Variants in DENND2C observed in about 807,000 individuals in gnomAD.
The protein encoded by DENND2C is DENN domain-containing protein 2C.
A neutral mutation model predicts 112.4 loss-of-function variants in DENND2C; 72 were observed. That is an observed-to-expected ratio of 0.64 (90% CI 0.53 to 0.78). DENND2C has a LOEUF of 0.78. DENND2C is among the 30% of genes least tolerant of loss of function. DENND2C has a pLI of 0.00. For synonymous variants in DENND2C, 329 were observed against 381.6 expected, an observed-to-expected ratio of 0.86 and a Z score of 1.61; for missense variants, 992 against 1,113.8, an observed-to-expected ratio of 0.89 and a Z score of 1.56.
intron 4 of DENND2C, 109 bp downstream of exon 4, chr1:114,625,070 G>C (rs532729670): frequency 9.2e-7 from 1 of 1,084,528 alleles, no homozygotes; most frequent in Admixed American, 2.9e-5. Flanking sequence ...TTCAAAGCAG[G>C]GGCATCACCT....
intron 1 of DENND2C, among the ~76,000 whole-genome samples, chr1:114,662,752 T>C (rs1045733708): frequency 2.0e-5 from 3 of 151,944 alleles, no homozygotes; most frequent in Non-Finnish European, 4.4e-5. Flanking sequence ...GGTCGGGAGT[T>C]CAAGCCCAAC....
chr1:114,621,650 C>T (rs1656169723), intron 7 of DENND2C, among the ~76,000 whole-genome samples: 1 of 152,150 alleles, frequency 6.6e-6, no homozygotes. Context: ...TTAATGAGAG[C>T]TAAGGTAACT....
intron 11 of DENND2C, among the ~76,000 whole-genome samples, chr1:114,602,906 G>C (rs1174294340): frequency 6.6e-6 from 1 of 152,076 alleles, no homozygotes; most frequent in Non-Finnish European, 1.5e-5. Flanking sequence ...CAAACAGATA[G>C]GTAAGCTACA....
At chr1:114,597,552 A>G (rs1655377551) in intron 16 of DENND2C, among the ~76,000 whole-genome samples, 1 of 151,648 alleles carries the variant, frequency 6.6e-6, no homozygotes, top group Non-Finnish European at 1.5e-5. Context: ...GAGGCCGAAG[A>G]AGGCAGATCA....
chr1:114,646,046 C>A (rs1348962029), intron 2 of DENND2C, among the ~76,000 whole-genome samples: 2 of 152,020 alleles, frequency 1.3e-5, no homozygotes, highest in Non-Finnish European at 2.9e-5. Flanking sequence ...CCTGCCTCAG[C>A]CTCCTGAATA....
intron 4 of DENND2C, 141 bp from the exon 5 acceptor site, chr1:114,623,784 A>G: frequency 2.7e-6 from 2 of 747,736 alleles, no homozygotes; most frequent in Non-Finnish European, 2.0e-6. Context: ...TGCATAGGCT[A>G]GAGTTCAGTG....
intron 1 of DENND2C, among the ~76,000 whole-genome samples, chr1:114,655,457 C>T (rs1415396775): frequency 6.6e-6 from 1 of 152,110 alleles, no homozygotes; most frequent in Non-Finnish European, 1.5e-5. Context: ...CTATGATGCA[C>T]CAAGTGTTTT....
At chr1:114,627,191 A>C (rs899402971) in intron 3 of DENND2C, among the ~76,000 whole-genome samples, 16 of 152,172 alleles carry the variant, frequency 1.1e-4, no homozygotes, top group African/African-American at 3.9e-4. Flanking sequence ...CCTTCCTTTC[A>C]CACAGAGGCT....
intron 1 of DENND2C, among the ~76,000 whole-genome samples, chr1:114,660,045 C>G (rs561615360): frequency 1.3e-5 from 2 of 152,158 alleles, no homozygotes; most frequent in South Asian, 2.1e-4. Context: ...CCAGCCTCAG[C>G]CTTCCAAGTG....
intron 8 of DENND2C, among the ~76,000 whole-genome samples, chr1:114,615,357 G>T (rs1488739384): frequency 1.3e-5 from 2 of 152,106 alleles, no homozygotes; most frequent in Non-Finnish European, 2.9e-5. Context: ...TAAAAATCAA[G>T]ATTTATGAGA....
chr1:114,647,717 G>T (rs868094908), intron 2 of DENND2C, among the ~76,000 whole-genome samples: 6 of 151,966 alleles, frequency 3.9e-5, no homozygotes, highest in Middle Eastern at 3.4e-3. Context: ...CACTACGCCT[G>T]ACCTGTATAG....
intron 16 of DENND2C, among the ~76,000 whole-genome samples, chr1:114,597,025 C>G (rs928761007): frequency 6.6e-6 from 1 of 152,030 alleles, no homozygotes; most frequent in Non-Finnish European, 1.5e-5. Context: ...AAAACACCAT[C>G]TATAACGAAA....
chr1:114,648,965 T>TG (rs1657075179), intron 2 of DENND2C, among the ~76,000 whole-genome samples: 1 of 152,150 alleles, frequency 6.6e-6, no homozygotes, highest in South Asian at 2.1e-4. Flanking sequence ...TATCCTTTTT[T>TG]TTTTTTGAGA....
At chr1:114,618,559 G>C in intron 7 of DENND2C, 77 bp from the exon 8 acceptor site, 1 of 799,922 alleles carries the variant, frequency 1.3e-6, no homozygotes, top group Non-Finnish European at 1.9e-6. Context: ...AATCTATTAG[G>C]GATTCTTATT....
rs1429125530 is a variant in DENND2C, at chr1:114,600,744, G to T, written c.1956+76C>A. On this transcript the variant is annotated intron_variant, in intron 14 of 20. Transcript: ENST00000393274. ...ATGGAAAAGGGAAATCTATCCCCTTGGGCTCTGGAAACTGCCTACTAGTGT... is the reference window on the plus strand; with the variant it reads ...ATGGAAAAGGGAAATCTATCCCCTTTGGCTCTGGAAACTGCCTACTAGTGT... The T allele has an allele frequency of 2.0e-6, 3 of 1,525,932 alleles. No homozygotes were observed. The African/African-American group carries it at 4.2e-5, about 21-fold the overall frequency. The allele number at this position is 1,525,932 out of a possible 1,614,324, so 94.5% of individuals were successfully genotyped here.
intron 3 of DENND2C, among the ~76,000 whole-genome samples, chr1:114,635,732 C>T (rs1320840181): frequency 3.9e-5 from 6 of 152,176 alleles, no homozygotes; most frequent in Non-Finnish European, 7.4e-5. Flanking sequence ...GTCCACTGGG[C>T]GCGATCACTC....
At chr1:114,586,413 C>T (rs1313642057) in intron 20 of DENND2C, among the ~76,000 whole-genome samples, 1 of 152,050 alleles carries the variant, frequency 6.6e-6, no homozygotes, top group Non-Finnish European at 1.5e-5. Context: ...TAAGATTCTC[C>T]AAGGAATGTG....
At position 114,602,192 on chromosome 1, in the gene DENND2C, T is replaced by A; in HGVS notation, c.1670A>T (p.Glu557Val). ...DWMPTSELKS[E>V]TFSFVLTGED... ...ACCAGTCAAGACAAAGGAGAATGTT[T>A]CACTGAAAAAAGAGCCAATAGTTAG... is the stretch of plus-strand genomic sequence containing the variant. Residue 557 changes from glutamate (E) to valine (V), a missense_variant and splice_region_variant, in exon 12 of 21, where the codon GAA (glutamate) becomes GTA (valine). Around this residue, in one of 3 missense-constraint regions of DENND2C, gnomAD observed 516 missense variants for 623.6 expected, o/e 0.83. Transcript: ENST00000393274. The A allele has an allele frequency of 6.2e-7, 1 of 1,613,198 alleles. No homozygotes were observed. Among genetic ancestry groups the A allele is most frequent in the Non-Finnish European group, 8.5e-7 (1 of 1,179,586 alleles).
intron 18 of DENND2C, chr1:114,588,579 A>G (rs1341303026): frequency 6.6e-6 from 1 of 152,426 alleles, no homozygotes; most frequent in Non-Finnish European, 1.5e-5. Flanking sequence ...ACGGGTGGTT[A>G]TTATTTGGCT....
Sources: gnomAD v4.1 joint callset for allele counts (sites outside exome capture counted in the v4.1 genomes callset) on GRCh38, gnomAD v4.1.1 for gene constraint, gnomAD v4.1.1 regional missense constraint, MANE v1.5 for transcripts, NCBI Gene and HGNC (gene_info 2026-07-23, HGNC 2026-07-21) for gene names.